Variants in DCC observed in about 807,000 individuals in gnomAD.
The protein encoded by DCC is netrin receptor DCC.
DCC carries 58 observed loss-of-function variants against 172.5 expected under a neutral mutation model. The ratio of observed to expected loss-of-function variants is 0.34; its 90% CI spans 0.27 to 0.42. The LOEUF is 0.42. Ranked by LOEUF, DCC falls within the 10% of genes least tolerant of loss-of-function variation. The pLI is 1.00. For synonymous variants in DCC, 709 were observed against 644.5 expected, an observed-to-expected ratio of 1.10 and a Z score of -1.52; for missense variants, 1,740 against 1,791.0, an observed-to-expected ratio of 0.97 and a Z score of 0.51.
chr18:52,683,833 A>G (rs755268140), intron 1 of DCC, among the ~76,000 whole-genome samples: 1 of 152,146 alleles, frequency 6.6e-6, no homozygotes, highest in African/African-American at 2.4e-5. Context: ...GTACATGTAC[A>G]GTGGGTAAAA....
At chr18:53,436,326 T>C (rs1379255663) in intron 22 of DCC, among the ~76,000 whole-genome samples, 1 of 152,234 alleles carries the variant, frequency 6.6e-6, no homozygotes, top group Non-Finnish European at 1.5e-5. Flanking sequence ...AGTATTCTAT[T>C]TTATGAAACA....
chr18:53,372,200 A>C (rs572022386), intron 15 of DCC, among the ~76,000 whole-genome samples: 1 of 152,268 alleles, frequency 6.6e-6, no homozygotes, highest in African/African-American at 2.4e-5. Context: ...AAATAAGCAA[A>C]GACATAGAAT....
At chr18:53,213,671 A>C (rs899825458) in intron 11 of DCC, among the ~76,000 whole-genome samples, 1 of 150,474 alleles carries the variant, frequency 6.6e-6, no homozygotes, top group East Asian at 1.9e-4. Flanking sequence ...AAAAAAAAAA[A>C]AAAGAAGTGA....
At chr18:53,508,806 C>A (rs1243020226) in intron 27 of DCC, among the ~76,000 whole-genome samples, 2 of 152,272 alleles carry the variant, frequency 1.3e-5, no homozygotes, top group Admixed American at 6.5e-5. Flanking sequence ...AATGTCGTTC[C>A]CTTAGTCTAG....
intron 12 of DCC, among the ~76,000 whole-genome samples, chr18:53,223,004 G>A (rs1404329249): frequency 6.6e-6 from 1 of 151,780 alleles, no homozygotes; most frequent in Non-Finnish European, 1.5e-5. Context: ...ATAAATTTAT[G>A]GAAAGCAGAA....
chr18:53,280,022 A>G (rs538140071), intron 12 of DCC, among the ~76,000 whole-genome samples: 5 of 152,186 alleles, frequency 3.3e-5, no homozygotes, highest in Admixed American at 3.3e-4. Context: ...AATAATCTAT[A>G]CCAAGCCCCT....
intron 7 of DCC, among the ~76,000 whole-genome samples, chr18:53,135,313 G>A (rs2043723748): frequency 1.3e-5 from 2 of 152,050 alleles, no homozygotes; most frequent in Admixed American, 6.6e-5. Context: ...GTGGGATCAG[G>A]ATGAAATAAG....
chr18:53,206,793 GTTC>G (rs1253134156), intron 10 of DCC, among the ~76,000 whole-genome samples: 1 of 151,276 alleles, frequency 6.6e-6, no homozygotes, highest in African/African-American at 2.4e-5. Flanking sequence ...GGATATGGGA[GTTC>G]TTATTATTTG....
At chr18:53,125,900 A>G (rs2043549180) in intron 7 of DCC, among the ~76,000 whole-genome samples, 1 of 152,138 alleles carries the variant, frequency 6.6e-6, no homozygotes, top group South Asian at 2.1e-4. Flanking sequence ...AAACAGATAC[A>G]TTATACATCT....
intron 5 of DCC, among the ~76,000 whole-genome samples, chr18:53,030,786 C>T (rs1223098537): frequency 6.6e-6 from 1 of 152,122 alleles, no homozygotes; most frequent in Non-Finnish European, 1.5e-5. Context: ...GGGGCCTAGG[C>T]CTACTAACAG....
chr18:53,051,148 T>A (rs1170201946), intron 5 of DCC, among the ~76,000 whole-genome samples: 1 of 152,122 alleles, frequency 6.6e-6, no homozygotes, highest in Non-Finnish European at 1.5e-5. Flanking sequence ...GAGGAGCACT[T>A]GAGCCTGGGA....
At chr18:53,250,694 T>C (rs2056419847) in intron 12 of DCC, among the ~76,000 whole-genome samples, 1 of 151,870 alleles carries the variant, frequency 6.6e-6, no homozygotes, top group South Asian at 2.1e-4. Flanking sequence ...AACTGCCCAC[T>C]CAGTGGCTTT....
At position 52,927,129 on chromosome 18, in the gene DCC, G is replaced by A. The variant is rs796254633; in HGVS notation, c.985+1759G>A. Reference sequence around the variant, plus strand: ...TACACGTATATACGTGTATATACACGTATATACGTGTATATATGTGTATAT... The same window carrying A: ...TACACGTATATACGTGTATATACACATATATACGTGTATATATGTGTATAT... On this transcript the variant is annotated intron_variant, in intron 5 of 28. Coordinates refer to ENST00000442544, the MANE Select transcript of DCC (RefSeq NM_005215.4). Among the ~76,000 whole-genome samples, 23 of 49,716 alleles carry A rather than the reference G, an allele frequency of 4.6e-4. 6 individuals are homozygous for A. In the South Asian group the frequency reaches 5.7e-3, roughly 12 times the overall value. The allele number at this position is 49,716 out of a possible 152,430, so 32.6% of individuals were successfully genotyped here.
intron 9 of DCC, among the ~76,000 whole-genome samples, chr18:53,179,622 C>T (rs1165337456): frequency 6.6e-6 from 1 of 152,120 alleles, no homozygotes; most frequent in Non-Finnish European, 1.5e-5. Flanking sequence ...ATTGGATAAT[C>T]TCACTCCCTC....
At chr18:53,467,278 G>A (rs1502230) in intron 24 of DCC, among the ~76,000 whole-genome samples, 74,125 of 151,286 alleles carry the variant, frequency 0.49, 19,029 homozygotes, top group Non-Finnish European at 0.58. Flanking sequence ...TTTTTAATAC[G>A]TATTATAATT....
intron 5 of DCC, among the ~76,000 whole-genome samples, chr18:53,050,070 T>A (rs777830547): frequency 7.4e-5 from 11 of 148,462 alleles, no homozygotes; most frequent in Admixed American, 4.6e-4. Flanking sequence ...AAACTTAGAG[T>A]CTGATGTTCA....
chr18:52,792,877 T>A (rs1395367871), intron 2 of DCC, among the ~76,000 whole-genome samples: 6 of 113,192 alleles, frequency 5.3e-5, no homozygotes, highest in Admixed American at 8.5e-5. Context: ...TCAATTCCAA[T>A]TAAAGGACAG....
chr18:53,176,185 G>C (rs1482481316), intron 8 of DCC, among the ~76,000 whole-genome samples: 1 of 131,872 alleles, frequency 7.6e-6, no homozygotes. Context: ...ATTCAAGATG[G>C]ATTAAAGACT....
chr18:52,818,825 G>A (rs1356753210), intron 2 of DCC, among the ~76,000 whole-genome samples: 1 of 152,194 alleles, frequency 6.6e-6, no homozygotes, highest in Non-Finnish European at 1.5e-5. Context: ...GCCATTTGGT[G>A]CAATAAAGAA....
Sources: allele counts gnomAD v4.1 joint callset (sites outside exome capture counted in the v4.1 genomes callset), GRCh38; gene constraint gnomAD v4.1.1; transcripts MANE v1.5; gene names NCBI Gene and HGNC (gene_info 2026-07-23, HGNC 2026-07-21).